MCTP1: variants seen among roughly 807,000 people sequenced by gnomAD.
MCTP1 encodes multiple C2 and transmembrane domain-containing protein 1.
MCTP1 carries 69 observed loss-of-function variants against 120.6 expected under a neutral mutation model. That is an observed-to-expected ratio of 0.57 (90% confidence interval 0.47 to 0.70). MCTP1 has a LOEUF of 0.70. Among genes scored for constraint, MCTP1 ranks in the 30% least tolerant of loss-of-function variants. The pLI, the probability that MCTP1 is intolerant of heterozygous loss-of-function variation, is 0.00. For missense variants in MCTP1, 1,203 were observed against 1,248.8 expected (o/e 0.96, Z 0.55); for synonymous variants, 529 against 493.1 (o/e 1.07, Z -0.96).
intron 1 of MCTP1, among the ~76,000 whole-genome samples, chr5:95,175,494 T>A (rs1395656713): frequency 6.6e-6 from 1 of 152,134 alleles, no homozygotes; most frequent in Non-Finnish European, 1.5e-5. Context: ...TGAGGAACAA[T>A]TAGAAAAACA....
chr5:94,877,055 G>A (rs1473643051), intron 12 of MCTP1, among the ~76,000 whole-genome samples: 1 of 151,924 alleles, frequency 6.6e-6, no homozygotes, highest in Non-Finnish European at 1.5e-5. Flanking sequence ...CAGGAGCAAG[G>A]AGAAGGAGGC....
At chr5:94,976,056 A>G (rs1046664098) in intron 2 of MCTP1, among the ~76,000 whole-genome samples, 1 of 152,124 alleles carries the variant, frequency 6.6e-6, no homozygotes, top group African/African-American at 2.4e-5. Flanking sequence ...CTTAAGTTGC[A>G]CACCCTTTAT....
intron 1 of MCTP1, among the ~76,000 whole-genome samples, chr5:95,238,031 T>C (rs1365659705): frequency 4.6e-5 from 7 of 152,120 alleles, no homozygotes; most frequent in Non-Finnish European, 8.8e-5. Flanking sequence ...AGCAAATCTA[T>C]GAAAGGCCAA....
At chr5:94,741,984 A>G (rs1047723373) in intron 19 of MCTP1, among the ~76,000 whole-genome samples, 3 of 152,194 alleles carry the variant, frequency 2.0e-5, no homozygotes, top group African/African-American at 7.2e-5. Context: ...TGCTTGGCTC[A>G]TATCAGTGTT....
chr5:95,093,368 C>T (rs1210498735), intron 1 of MCTP1, among the ~76,000 whole-genome samples: 1 of 152,118 alleles, frequency 6.6e-6, no homozygotes, highest in Non-Finnish European at 1.5e-5. Context: ...CTGTGTGCCT[C>T]CTGTTTTCCT....
chr5:94,741,204 A>G (rs1009109421), intron 19 of MCTP1, among the ~76,000 whole-genome samples: 9 of 152,208 alleles, frequency 5.9e-5, no homozygotes, highest in African/African-American at 2.2e-4. Context: ...CAAAACTTAT[A>G]ATTTCACAGA....
chr5:94,834,181 T>G (rs1789177023), intron 17 of MCTP1, among the ~76,000 whole-genome samples: 1 of 152,226 alleles, frequency 6.6e-6, no homozygotes, highest in Non-Finnish European at 1.5e-5. Context: ...TTTAAGGCAG[T>G]GAAATGTCAC....
At chr5:94,743,373 GAA>G (rs1444559595) in intron 19 of MCTP1, among the ~76,000 whole-genome samples, 1 of 151,128 alleles carries the variant, frequency 6.6e-6, no homozygotes, top group African/African-American at 2.4e-5. Context: ...CTAGAGAGAG[GAA>G]AAACACAGCA....
intron 1 of MCTP1, among the ~76,000 whole-genome samples, chr5:95,181,655 G>A (rs1385455736): frequency 2.0e-5 from 3 of 152,086 alleles, no homozygotes; most frequent in Non-Finnish European, 2.9e-5. Flanking sequence ...GATATGCATG[G>A]GGTTCAGTTA....
chr5:95,263,608 G>A (rs372235215), intron 1 of MCTP1, among the ~76,000 whole-genome samples: 2 of 152,300 alleles, frequency 1.3e-5, no homozygotes, highest in South Asian at 2.1e-4. Flanking sequence ...ATTCCTGAAG[G>A]CTCCAAGAGA....
At chr5:95,040,979 A>C (rs1842246342) in intron 1 of MCTP1, among the ~76,000 whole-genome samples, 1 of 152,160 alleles carries the variant, frequency 6.6e-6, no homozygotes, top group Admixed American at 6.5e-5. Context: ...GAAGTACACT[A>C]GATTCTTGTG....
chr5:94,834,816 T>C (rs1003282853), intron 17 of MCTP1, among the ~76,000 whole-genome samples: 1,443 of 144,020 alleles, frequency 0.01, 4 homozygotes, highest in Middle Eastern at 0.017. Context: ...TTCTCTCTTT[T>C]TTTTTTTTTT....
intron 17 of MCTP1, among the ~76,000 whole-genome samples, chr5:94,862,817 A>C (rs2153234004): frequency 6.6e-6 from 1 of 151,912 alleles, no homozygotes; most frequent in Non-Finnish European, 1.5e-5. Flanking sequence ...ATTGGGCGAA[A>C]ATGTATATTT....
intron 1 of MCTP1, among the ~76,000 whole-genome samples, chr5:95,246,970 C>A (rs532252454): frequency 6.6e-6 from 1 of 152,194 alleles, no homozygotes; most frequent in African/African-American, 2.4e-5. Context: ...GAAATGGTAC[C>A]AGCTCCTCTT....
At chr5:94,787,851 G>A (rs1778089567) in intron 18 of MCTP1, among the ~76,000 whole-genome samples, 1 of 152,084 alleles carries the variant, frequency 6.6e-6, no homozygotes. Flanking sequence ...TGCTTAACAT[G>A]TTATGTTAAT....
chr5:95,052,833 A>C (rs1746361886), intron 1 of MCTP1, among the ~76,000 whole-genome samples: 1 of 152,212 alleles, frequency 6.6e-6, no homozygotes, highest in Admixed American at 6.5e-5. Context: ...GCTTGTTTTA[A>C]AAAATAAGAC....
At chr5:94,896,301 T>A (rs1803971543) in intron 10 of MCTP1, among the ~76,000 whole-genome samples, 1 of 152,168 alleles carries the variant, frequency 6.6e-6, no homozygotes, top group African/African-American at 2.4e-5. Context: ...TGAATGCAAA[T>A]AACTCTGGCT....
chr5:94,761,190 G>T (rs907507859), intron 19 of MCTP1, among the ~76,000 whole-genome samples: 22 of 152,298 alleles, frequency 1.4e-4, no homozygotes, highest in Admixed American at 1.2e-3. Flanking sequence ...GTCCCAGTAG[G>T]CAAAGTCTGG....
chr5:95,090,756 T>C (rs1755785687), intron 1 of MCTP1, among the ~76,000 whole-genome samples: 1 of 152,174 alleles, frequency 6.6e-6, no homozygotes, highest in African/African-American at 2.4e-5. Context: ...CTGCTTTATA[T>C]TCTCACAAAA....
Sources: gnomAD v4.1 joint callset for allele counts (sites outside exome capture counted in the v4.1 genomes callset) on GRCh38, gnomAD v4.1.1 for gene constraint, MANE v1.5 for transcripts, NCBI Gene and HGNC (gene_info 2026-07-23, HGNC 2026-07-21) for gene names.